Variants in WDR47 observed in about 807,000 individuals in gnomAD.
The protein encoded by WDR47 is WD repeat-containing protein 47.
A neutral mutation model predicts 97.2 loss-of-function variants in WDR47; 32 were observed. That is an observed-to-expected ratio of 0.33 (90% CI 0.25 to 0.44). WDR47 has a LOEUF of 0.44. Among genes scored for constraint, WDR47 ranks in the 20% least tolerant of loss-of-function variants. The pLI, the probability that WDR47 is intolerant of heterozygous loss-of-function variation, is 1.00. For synonymous variants in WDR47, 375 were observed against 373.5 expected, an observed-to-expected ratio of 1.00 and a Z score of -0.05; for missense variants, 782 against 1,102.3, an observed-to-expected ratio of 0.71 and a Z score of 4.11.
At chr1:108,972,158 A>C (rs1049678454) in intron 14 of WDR47, among the ~76,000 whole-genome samples, 2 of 152,010 alleles carry the variant, frequency 1.3e-5, no homozygotes, top group Admixed American at 6.6e-5. Flanking sequence ...TGCCTCCCTT[A>C]TCTCAATGGC....
Position 109,011,165 on chromosome 1 carries a change from T to C in WDR47, c.881A>G (p.Tyr294Cys), listed in dbSNP as rs770045983. 2.5e-6 allele frequency: 4 copies of C among 1,614,134 alleles called. No homozygotes were observed. The highest frequency in any genetic ancestry group is 4.5e-5 in the East Asian group (2 of 44,872). Residue 294 changes from tyrosine (Y) to cysteine (C), a missense_variant, in exon 5 of 15, where the codon TAT becomes TGT. Around this residue, in one of 3 missense-constraint regions of WDR47, gnomAD observed 428 missense variants for 584.3 expected, o/e 0.73. Transcript: ENST00000369962. ...LTPLISKLSP[Y>C]PSSPMRRPQS... ...AGGTCTTCTCATTGGGGATGATGGA[T>C]AGGGAGAGAGTTTGCTGATAAGAGG...
chr1:108,977,492 A>G (rs192728963), intron 13 of WDR47, among the ~76,000 whole-genome samples: 140 of 152,292 alleles, frequency 9.2e-4, no homozygotes, highest in East Asian at 2.7e-3. Flanking sequence ...TAGATCATGT[A>G]GCTGAGGCAT....
intron 2 of WDR47, 95 bp downstream of exon 2, chr1:109,023,260 A>T: frequency 8.7e-7 from 1 of 1,152,778 alleles, no homozygotes; most frequent in Non-Finnish European, 1.2e-6. Context: ...CCTTTTCATG[A>T]TTATAAAGTT....
intron 14 of WDR47, among the ~76,000 whole-genome samples, chr1:108,972,579 T>C (rs1657539791): frequency 2.0e-5 from 3 of 152,110 alleles, no homozygotes; most frequent in African/African-American, 7.2e-5. Context: ...CAGGAGTATA[T>C]GGGAAATCTC....
chr1:109,014,952 A>C (rs559926717), intron 3 of WDR47, among the ~76,000 whole-genome samples: 45 of 152,344 alleles, frequency 3.0e-4, no homozygotes, highest in Admixed American at 2.6e-3. Flanking sequence ...CTGCCTTCAA[A>C]AAGAGGGTCA....
intron 8 of WDR47, among the ~76,000 whole-genome samples, chr1:108,994,373 G>C (rs943947811): frequency 2.0e-5 from 3 of 151,992 alleles, no homozygotes; most frequent in African/African-American, 7.2e-5. Context: ...TTCCAGCCCG[G>C]GCAACAAGAG....
In WDR47 at chr1:108,974,576, T is replaced by A; in HGVS notation, c.2577A>T (p.Thr859=). 1 of 1,614,182 alleles carries A rather than the reference T, an allele frequency of 6.2e-7. No homozygotes were observed. ...RFSPGAHYLL[T]GSYDMKIKVT... ...CCTTTATTTTCATATCATAAGAGCC[T>A]GTTAGCAAGTAGTGAGCTCCAGGGG... Residue 859 remains threonine (T), a synonymous_variant, in exon 14 of 15, where the codon ACA becomes ACT. Coordinates refer to ENST00000369962, the MANE Select transcript of WDR47 (RefSeq NM_001142551.2).
intron 3 of WDR47, among the ~76,000 whole-genome samples, chr1:109,016,184 T>C (rs12092836): frequency 0.024 from 3,715 of 151,910 alleles, 134 homozygotes; most frequent in African/African-American, 0.084. Context: ...AAGAGGATTA[T>C]TTGAGCCCAG....
intron 7 of WDR47, among the ~76,000 whole-genome samples, chr1:108,997,161 C>T (rs555516001): frequency 8.7e-4 from 132 of 151,348 alleles, no homozygotes; most frequent in African/African-American, 3.1e-3. Context: ...AGCGATGGCT[C>T]ACGCCTATAA....
intron 6 of WDR47, among the ~76,000 whole-genome samples, chr1:109,003,784 C>T (rs951320092): frequency 6.6e-6 from 1 of 152,156 alleles, no homozygotes; most frequent in Non-Finnish European, 1.5e-5. Context: ...GGACTACAGG[C>T]ATGAGCCACC....
chr1:108,981,918 A>G (rs1658373855), intron 12 of WDR47, 54 bp from the exon 13 acceptor site: 1 of 1,571,314 alleles, frequency 6.4e-7, no homozygotes. Context: ...TTTCCATAAC[A>G]TATTCAAAGC....
intron 13 of WDR47, among the ~76,000 whole-genome samples, 176 bp downstream of exon 13, chr1:108,981,557 A>G (rs1305822597): frequency 6.6e-6 from 1 of 152,190 alleles, no homozygotes; most frequent in Non-Finnish European, 1.5e-5. Context: ...GCTGAATATT[A>G]TTTTTACAAA....
At chr1:109,021,614 G>A (rs1661849083) in intron 2 of WDR47, among the ~76,000 whole-genome samples, 1 of 151,866 alleles carries the variant, frequency 6.6e-6, no homozygotes, top group South Asian at 2.1e-4. Flanking sequence ...TAAAATTAGG[G>A]GAGCCATTAG....
At position 108,974,953 on chromosome 1, in the gene WDR47, G is replaced by GT. The variant is rs540339453; in HGVS notation, c.2399-200dup. The stretch of plus-strand genomic sequence containing the variant: ...AGGCCCAAGGCCTAAACAAAATTTT[G>GT]TAAGAAATGAGAAAGTCCATTTTTT... On this transcript the variant is annotated intron_variant, in intron 13 of 14. Coordinates refer to ENST00000369962, the MANE Select transcript of WDR47 (RefSeq NM_001142551.2). Among the ~76,000 whole-genome samples the GT allele has an allele frequency of 1.2e-4, 18 of 152,276 alleles. 1 individual carries two copies. In the South Asian group the frequency reaches 2.5e-3, roughly 21 times the overall value.
At chr1:108,984,991 A>G (rs17565949) in intron 10 of WDR47, among the ~76,000 whole-genome samples, 2,218 of 152,286 alleles carry the variant, frequency 0.015, 23 homozygotes, top group Non-Finnish European at 0.023. Context: ...CCTTCCTTAA[A>G]TGGATTATAC....
At chr1:108,993,951 A>G (rs1297272676) in intron 8 of WDR47, among the ~76,000 whole-genome samples, 2 of 152,226 alleles carry the variant, frequency 1.3e-5, no homozygotes, top group African/African-American at 4.8e-5. Flanking sequence ...AGTTGTAAAT[A>G]ACATTTACAA....
intron 8 of WDR47, among the ~76,000 whole-genome samples, chr1:108,994,998 A>AT (rs764465957): frequency 1.3e-5 from 2 of 152,184 alleles, no homozygotes; most frequent in Non-Finnish European, 1.5e-5. Flanking sequence ...CATCTTATAC[A>AT]TTTTTTAATG....
At chr1:108,997,432 A>G (rs1045379101) in intron 7 of WDR47, among the ~76,000 whole-genome samples, 1 of 148,354 alleles carries the variant, frequency 6.7e-6, no homozygotes, top group Non-Finnish European at 1.5e-5. Context: ...CCATCTCAGA[A>G]AAAAAAAAAA....
intron 1 of WDR47, 64 bp from the exon 2 acceptor site, chr1:109,023,585 T>C: frequency 6.6e-7 from 1 of 1,504,824 alleles, no homozygotes; most frequent in Non-Finnish European, 9.0e-7. Flanking sequence ...TTTAACTGCC[T>C]GGCAACTACA....
Sources: allele counts gnomAD v4.1 joint callset (sites outside exome capture counted in the v4.1 genomes callset), GRCh38; gene constraint gnomAD v4.1.1; regional missense constraint gnomAD v4.1.1; transcripts MANE v1.5; gene names NCBI Gene and HGNC (gene_info 2026-07-23, HGNC 2026-07-21).